Variants in SEPTIN4 observed in about 807,000 individuals in gnomAD.
SEPTIN4 encodes septin 4, also known as septin-4.
A neutral mutation model predicts 107.1 loss-of-function variants in SEPTIN4; 52 were observed. The observed-to-expected ratio is 0.49, with a 90% confidence interval of 0.39 to 0.61. The LOEUF (loss-of-function observed/expected upper bound fraction) is 0.61. Ranked by LOEUF, SEPTIN4 falls within the 20% of genes least tolerant of loss-of-function variation. SEPTIN4 has a pLI of 0.00. For missense variants in SEPTIN4, 1,048 were observed against 1,243.5 expected (o/e 0.84, Z 2.36); for synonymous variants, 417 against 467.0 (o/e 0.89, Z 1.38).
chr17:58,529,436 T>G, intron 3 of SEPTIN4: 2 of 1,379,138 alleles, frequency 1.5e-6, no homozygotes, highest in Non-Finnish European at 1.9e-6. Flanking sequence ...CAGGATCACT[T>G]GGTTCCTCTG....
Position 58,521,002 on chromosome 17 carries a change from G to A in SEPTIN4, c.2827C>T (p.Arg943Cys), listed in dbSNP as rs770671562. The A allele has an allele frequency of 2.1e-5, 34 of 1,613,896 alleles. No individual in the cohort carries two copies. The highest frequency in any genetic ancestry group is 4.0e-5 in the African/African-American group (3 of 74,922). The change falls in exon 12 of 14, where the codon CGC becomes TGC. Residue 943 changes from arginine to cysteine, a missense_variant. Around this residue, in one of 2 missense-constraint regions of SEPTIN4, gnomAD observed 261 missense variants for 371.7 expected, o/e 0.70. Coordinates refer to ENST00000672673, the MANE Select transcript of SEPTIN4 (RefSeq NM_001368771.2). This position sits in a 1 kb window ranked among gnomAD's most constrained non-coding sequence, Gnocchi z 6.4. ...MTRLVVKERNRNKLTRESGTD... is the reference protein window; with the variant it reads ...MTRLVVKERNCNKLTRESGTD... ...TGTCCTGGCTTCTGGTCATACTTGC[G>A]ATTCCGTTCCTTCACCACCAGGCGG...
At chr17:58,541,729 T>G in intron 2 of SEPTIN4, 193 bp downstream of exon 2, 1 of 1,493,594 alleles carries the variant, frequency 6.7e-7, no homozygotes, top group Non-Finnish European at 9.0e-7. Flanking sequence ...TGGAAAAGGT[T>G]CCAAGCCCCA....
chr17:58,522,876 CA>C (rs1030774339), intron 7 of SEPTIN4, among the ~76,000 whole-genome samples: 2 of 152,148 alleles, frequency 1.3e-5, no homozygotes, highest in Admixed American at 6.5e-5. Flanking sequence ...TTGACTATAC[CA>C]ATACACACTG....
chr17:58,543,726 T>C lies in SEPTIN4; in HGVS notation c.461A>G (p.Lys154Arg). ...GHHASSIPDAKSTHQLSFQDQ... is the reference protein window; with the variant it reads ...GHHASSIPDARSTHQLSFQDQ... ...TTGAAAACTCAACTGATGAGTAGAT[T>C]TGGCATCTGGGATTGATGAAGCATG... Residue 154 changes from lysine to arginine, a missense_variant, in exon 1 of 14, where the codon AAA becomes AGA. By Grantham distance (26) the Lys-to-Arg change is conservative. Transcript: ENST00000672673. 1 of 1,614,182 alleles carries C rather than the reference T, an allele frequency of 6.2e-7. No individual in the cohort carries two copies. The highest frequency in any genetic ancestry group is 8.5e-7 in the Non-Finnish European group (1 of 1,180,038).
In SEPTIN4 at chr17:58,522,047, G is replaced by T; in HGVS notation, c.2271C>A (p.Asp757Glu). ...TGTTCTTTCGGTTCAGGCCACTCTC[G>T]TCTCGGAAATACTGCTCAAACTGCT... ...IDQQFEQYFR[D>E]ESGLNRKNIQ... is the part of the protein sequence containing the mutation. The change falls in exon 8 of 14, where the codon GAC (aspartate) becomes GAA (glutamate). Residue 757 changes from aspartate (D) to glutamate (E), a missense_variant. Physicochemically the swap from Asp to Glu is conservative, Grantham distance 45. Transcript: ENST00000672673. The T allele has an allele frequency of 6.2e-7, 1 of 1,614,164 alleles. No homozygotes were observed.
intron 1 of SEPTIN4, 72 bp from the exon 2 acceptor site, chr17:58,542,038 G>T: frequency 6.5e-7 from 1 of 1,536,714 alleles, no homozygotes. Flanking sequence ...ACTACTTGCA[G>T]CTCCCTTTCT....
Position 58,543,940 on chromosome 17 carries a change from G to T in SEPTIN4, c.247C>A (p.Pro83Thr), listed in dbSNP as rs375440100. ...CCAGTCTCGGGTCCCCGAGGAGTGG[G>T]TACTGCATAGTGTCCAGGTCCTGAC... The part of the protein sequence containing the change: ...LQSGPGHYAV[P>T]TPRGPETGPR... The change falls in exon 1 of 14, where the codon CCC becomes ACC. Residue 83 changes from proline to threonine, a missense_variant. Around this residue, in one of 2 missense-constraint regions of SEPTIN4, gnomAD observed 787 missense variants for 871.8 expected, o/e 0.90. Coordinates refer to ENST00000672673, the MANE Select transcript of SEPTIN4 (RefSeq NM_001368771.2). 12 of 1,614,042 alleles carry T rather than the reference G, an allele frequency of 7.4e-6. No homozygotes were observed. The African/African-American group carries it at 1.5e-4, about 20-fold the overall frequency.
rs760488667 is a variant in SEPTIN4 at position 58,541,914 on chromosome 17, G to A, written c.1606+8C>T. On this transcript the variant is annotated splice_region_variant and intron_variant, in intron 2 of 13. Coordinates refer to ENST00000672673, the MANE Select transcript of SEPTIN4 (RefSeq NM_001368771.2). The stretch of plus-strand genomic sequence containing the variant: ...CACAGTGGGCCCATAGGAGGGAAAA[G>A]CACAGACCTTTTAGCCACCAGATGA... 1.9e-6 allele frequency: 3 copies of A among 1,614,058 alleles called. No homozygotes were observed. Among genetic ancestry groups the A allele is most frequent in the Non-Finnish European group, 2.5e-6 (3 of 1,179,980 alleles).
chr17:58,539,920 C>T (rs2043831016), intron 3 of SEPTIN4, among the ~76,000 whole-genome samples: 1 of 152,182 alleles, frequency 6.6e-6, no homozygotes, highest in South Asian at 2.1e-4. Context: ...ACCTCCCCTT[C>T]AGCTGTTCCA....
chr17:58,536,488 G>A (rs2043715495), intron 3 of SEPTIN4, among the ~76,000 whole-genome samples: 1 of 152,166 alleles, frequency 6.6e-6, no homozygotes, highest in Admixed American at 6.5e-5. Context: ...CACCACCTGT[G>A]GAGTCAGCTT....
intron 3 of SEPTIN4, chr17:58,529,854 T>A (rs1399522052): frequency 2.6e-5 from 4 of 151,510 alleles, no homozygotes; most frequent in African/African-American, 9.7e-5. Flanking sequence ...AATCTGCTCC[T>A]AAATTTCCCT....
intron 3 of SEPTIN4, chr17:58,539,164 C>A: frequency 1.3e-6 from 2 of 1,534,856 alleles, no homozygotes; most frequent in Non-Finnish European, 1.7e-6. Flanking sequence ...GCCTTCTTTT[C>A]TTGGCTTCTG....
chr17:58,538,365 T>C lies in SEPTIN4; in HGVS notation c.1614+2301A>G, dbSNP rs1427394179. Among the ~76,000 whole-genome samples, 13 of 152,252 alleles carry C rather than the reference T, an allele frequency of 8.5e-5. No homozygotes were observed. The highest frequency in any genetic ancestry group is 7.8e-4 in the Admixed American group (12 of 15,300). On this transcript the variant is annotated intron_variant, in intron 3 of 13. Coordinates refer to ENST00000672673, the MANE Select transcript of SEPTIN4 (RefSeq NM_001368771.2). This position sits in a 1 kb window ranked among gnomAD's most constrained non-coding sequence, Gnocchi z 4.7. ...CTGATTCCTGGCCTATTTTCCAGAG[T>C]TGGTTTCTTGCATAATTGATAGAGC... is the stretch of plus-strand genomic sequence containing the variant.
At chr17:58,525,867 G>C in intron 5 of SEPTIN4, 86 bp from the exon 6 acceptor site, 1 of 1,160,290 alleles carries the variant, frequency 8.6e-7, no homozygotes, top group Non-Finnish European at 1.3e-6. Context: ...GTTTAGGGGG[G>C]ACTGCTTTCT....
In SEPTIN4 at chr17:58,542,597, G is replaced by A. The variant is rs763053989; in HGVS notation, c.1561+29C>T. 28 of 1,577,106 alleles carry A rather than the reference G, an allele frequency of 1.8e-5. No individual in the cohort carries two copies. The Admixed American group carries it at 3.9e-4, about 22-fold the overall frequency. On this transcript the variant is annotated intron_variant, in intron 1 of 13. Coordinates refer to ENST00000672673, the MANE Select transcript of SEPTIN4 (RefSeq NM_001368771.2). ...CATCCCATCTCACTAAATTGGGGCT[G>A]CACCTGGGCAGTCTGCTTCTTCACA...
chr17:58,525,599 G>T, intron 6 of SEPTIN4, 96 bp downstream of exon 6: 1 of 1,130,210 alleles, frequency 8.8e-7, no homozygotes, highest in Non-Finnish European at 1.3e-6. Context: ...GGAGGCCATG[G>T]TTTCCTGCAT....
chr17:58,531,868 G>A (rs538712823), intron 3 of SEPTIN4: 1 of 1,076,666 alleles, frequency 9.3e-7, no homozygotes, highest in Non-Finnish European at 1.1e-6. Flanking sequence ...CCGCGGCTGC[G>A]GTGCCGCGGG....
intron 3 of SEPTIN4, among the ~76,000 whole-genome samples, chr17:58,536,398 A>G (rs961551954): frequency 6.6e-6 from 1 of 152,206 alleles, no homozygotes. Flanking sequence ...GTGCATGTGT[A>G]ATAGGTGTAG....
At position 58,538,416 on chromosome 17, in the gene SEPTIN4, A is replaced by T. The variant is rs2043787955; in HGVS notation, c.1614+2250T>A. ...AGAGAGTAAACCACCTTGCCCTATGACAGCCTGAGAAGTCACATTTAAGGA... is the reference window on the plus strand; with the variant it reads ...AGAGAGTAAACCACCTTGCCCTATGTCAGCCTGAGAAGTCACATTTAAGGA... On this transcript the variant is annotated intron_variant, in intron 3 of 13. Transcript: ENST00000672673. This position sits in a 1 kb window ranked among gnomAD's most constrained non-coding sequence, Gnocchi z 4.7. Among the ~76,000 whole-genome samples, 1 of 152,200 alleles carries T rather than the reference A, an allele frequency of 6.6e-6. No individual in the cohort carries two copies. The highest frequency in any genetic ancestry group is 2.4e-5 in the African/African-American group (1 of 41,458).
Sources: allele counts gnomAD v4.1 joint callset (sites outside exome capture counted in the v4.1 genomes callset), GRCh38; gene constraint gnomAD v4.1.1; regional missense constraint gnomAD v4.1.1; non-coding constraint Gnocchi (gnomAD v3.1); transcripts MANE v1.5; gene names NCBI Gene and HGNC (gene_info 2026-07-23, HGNC 2026-07-21).